The following HMGCL variants were observed in gnomAD, a reference collection of about 807,000 sequenced individuals.
HMGCL encodes the protein 3-hydroxy-3-methylglutaryl-CoA lyase.
Under a neutral mutation model 37.3 loss-of-function variants are expected in HMGCL, and 26 were observed. The ratio of observed to expected loss-of-function variants is 0.70; its 90% CI spans 0.51 to 0.97. HMGCL has a LOEUF of 0.97. Ranked by LOEUF, HMGCL falls within the 50% of genes least tolerant of loss-of-function variation. The pLI is 0.00. For missense variants in HMGCL, 379 were observed against 398.1 expected (o/e 0.95, Z 0.41); for synonymous variants, 151 against 148.0 (o/e 1.02, Z -0.15).
At chr1:23,818,135 T>C (rs1638648372) in intron 2 of HMGCL, among the ~76,000 whole-genome samples, 1 of 152,188 alleles carries the variant, frequency 6.6e-6, no homozygotes, top group Non-Finnish European at 1.5e-5. Context: ...GGCTCCCTAA[T>C]ATTTACAGGA....
intron 1 of HMGCL, among the ~76,000 whole-genome samples, 179 bp from the exon 2 acceptor site, chr1:23,820,772 G>A (rs1052885802): frequency 6.6e-6 from 1 of 152,174 alleles, no homozygotes; most frequent in Non-Finnish European, 1.5e-5. Context: ...ATTTCACTTA[G>A]TAACAGGAAC....
intron 4 of HMGCL, among the ~76,000 whole-genome samples, chr1:23,814,665 G>A (rs970079166): frequency 4.6e-5 from 7 of 151,964 alleles, no homozygotes; most frequent in Non-Finnish European, 8.8e-5. Context: ...CATCATGCCC[G>A]GCCAGCACTT....
At position 23,804,400 on chromosome 1, in the gene HMGCL, C is replaced by A. The variant is rs753754467; in HGVS notation, c.876G>T (p.Thr292=). 8.1e-6 allele frequency: 13 copies of A among 1,614,166 alleles called. No homozygotes were observed. Among genetic ancestry groups the A allele is most frequent in the Non-Finnish European group, 1.1e-5 (13 of 1,180,026 alleles). Residue 292 remains threonine, a splice_region_variant and synonymous_variant, in exon 8 of 9, where the codon ACG becomes ACT. Transcript: ENST00000374490. ...VYMLEGLGIH[T]GVNLQKLLEA... Reference sequence around the variant, plus strand: ...GCCACCAGGGGGTGGGTGGGCTTACCGTGTGAATGCCCAAGCCCTCTAGCA... The same window carrying A: ...GCCACCAGGGGGTGGGTGGGCTTACAGTGTGAATGCCCAAGCCCTCTAGCA...
chr1:23,818,001 A>G (rs1028988984), intron 2 of HMGCL, among the ~76,000 whole-genome samples: 1 of 152,218 alleles, frequency 6.6e-6, no homozygotes, highest in African/African-American at 2.4e-5. Context: ...TCCTCTTTCC[A>G]AATCTACCAT....
At chr1:23,822,544 C>T (rs772129774) in intron 1 of HMGCL, among the ~76,000 whole-genome samples, 9 of 152,180 alleles carry the variant, frequency 5.9e-5, no homozygotes, top group Non-Finnish European at 8.8e-5. Flanking sequence ...AGGATCTCAA[C>T]CCCCTGAAGT....
intron 2 of HMGCL, among the ~76,000 whole-genome samples, chr1:23,818,776 C>T (rs1040836320): frequency 4.6e-5 from 7 of 151,838 alleles, no homozygotes; most frequent in African/African-American, 1.7e-4. Context: ...AAACTCCTGA[C>T]CTCAGGTGAT....
chr1:23,809,949 A>G (rs191305160), intron 6 of HMGCL: 2 of 152,888 alleles, frequency 1.3e-5, no homozygotes, highest in East Asian at 3.9e-4. Context: ...ATGCTGGGTT[A>G]AAGTCCTAGT....
rs1391067821 is a variant in HMGCL at position 23,804,456 on chromosome 1, C to T, written c.820G>A (p.Gly274Arg). Residue 274 changes from glycine to arginine, a missense_variant, in exon 8 of 9, where the codon GGA (glycine) becomes AGA (arginine). Coordinates refer to ENST00000374490, the MANE Select transcript of HMGCL (RefSeq NM_000191.3). ...ACCAGGTCTTCTGTGGCCAAGTTTC[C>T]TGATGCCCCCTGTGCGTAGGGACAG... ...GGCPYAQGAS[G>R]NLATEDLVYM... 5.6e-6 allele frequency: 9 copies of T among 1,614,068 alleles called. No homozygotes were observed. The highest frequency in any genetic ancestry group is 7.6e-6 in the Non-Finnish European group (9 of 1,180,030).
intron 6 of HMGCL, chr1:23,810,517 T>A: frequency 1.8e-6 from 1 of 546,316 alleles, no homozygotes; most frequent in Non-Finnish European, 3.4e-6. Flanking sequence ...TCAGGCTGGA[T>A]AGAGGCCAGG....
rs771024022 is a variant in HMGCL, at chr1:23,804,448, C to T, written c.828G>A (p.Leu276=). The change falls in exon 8 of 9, where the codon TTG becomes TTA. Residue 276 remains leucine (L), a synonymous_variant. Transcript: ENST00000374490. ...CPYAQGASGN[L]ATEDLVYMLE... Reference sequence around the variant, plus strand: ...GCATGTAGACCAGGTCTTCTGTGGCCAAGTTTCCTGATGCCCCCTGTGCGT... The same window carrying T: ...GCATGTAGACCAGGTCTTCTGTGGCTAAGTTTCCTGATGCCCCCTGTGCGT... The T allele has an allele frequency of 7.6e-5, 122 of 1,614,076 alleles. No homozygotes were observed. The highest frequency in any genetic ancestry group is 1.0e-4 in the Non-Finnish European group (121 of 1,180,038).
intron 6 of HMGCL, 27 bp downstream of exon 6, chr1:23,810,709 A>AC (rs759386253): frequency 3.1e-6 from 5 of 1,610,724 alleles, no homozygotes; most frequent in African/African-American, 2.7e-5. Flanking sequence ...CCCTCACCAA[A>AC]CCCCCCGCCC....
At chr1:23,804,967 C>G (rs907844537) in intron 7 of HMGCL, among the ~76,000 whole-genome samples, 1 of 150,674 alleles carries the variant, frequency 6.6e-6, no homozygotes, top group Non-Finnish European at 1.5e-5. Flanking sequence ...CTTCCCAGGT[C>G]AGTCACCTCC....
At position 23,806,159 on chromosome 1, in the gene HMGCL, C is replaced by CCAG. The variant is rs1638405860; in HGVS notation, c.751-1637_751-1635dup. On this transcript the variant is annotated intron_variant, in intron 7 of 8. Coordinates refer to ENST00000374490, the MANE Select transcript of HMGCL (RefSeq NM_000191.3). The surrounding 1 kb of genome is among the most constrained non-coding windows in gnomAD (Gnocchi z 4.0). The stretch of plus-strand genomic sequence containing the variant: ...TTGAGACAGGGTTTCACCATGTTGG[C>CCAG]CAGGCTGGTCTCAAAACTCCTGACC... Among the ~76,000 whole-genome samples, 1 of 152,068 alleles carries CCAG rather than the reference C, an allele frequency of 6.6e-6. No individual in the cohort carries two copies. The highest frequency in any genetic ancestry group is 2.1e-4 in the South Asian group (1 of 4,818).
chr1:23,825,282 C>T (rs1638795774), intron 1 of HMGCL, 74 bp downstream of exon 1: 1 of 1,300,958 alleles, frequency 7.7e-7, no homozygotes, highest in Non-Finnish European at 1.1e-6. Context: ...AGAGCAGTCA[C>T]CACGGGCCAA....
Position 23,818,212 on chromosome 1 carries a change from A to C in HMGCL, c.145-629T>G, listed in dbSNP as rs376355234. ...ATTGGCTCACGCCTGTAATCCCAGC[A>C]CTTTGGGAGGCTGAGACAGGCAGAT... On this transcript the variant is annotated intron_variant, in intron 2 of 8. Transcript: ENST00000374490. 8.5e-5 allele frequency among the ~76,000 whole-genome samples: 13 copies of C among 152,314 alleles called. No homozygotes were observed. In the East Asian group the frequency reaches 1.3e-3, roughly 16 times the overall value.
intron 7 of HMGCL, chr1:23,807,082 A>G (rs574844317): frequency 1.9e-6 from 1 of 519,078 alleles, no homozygotes; most frequent in Non-Finnish European, 3.8e-6. Flanking sequence ...TATCACTGCC[A>G]TGAAACAGAG....
chr1:23,807,127 C>G (rs770962205), intron 7 of HMGCL: 2 of 518,932 alleles, frequency 3.9e-6, no homozygotes, highest in African/African-American at 3.8e-5. Flanking sequence ...TGAGCGTGAT[C>G]AGGATGAAGT....
At chr1:23,824,992 G>A (rs1387887591) in intron 1 of HMGCL, among the ~76,000 whole-genome samples, 1 of 152,218 alleles carries the variant, frequency 6.6e-6, no homozygotes, top group Non-Finnish European at 1.5e-5. Flanking sequence ...GGAGACGAAG[G>A]AAATGGAAGC....
At position 23,814,277 on chromosome 1, in the gene HMGCL, T is replaced by C. The variant is rs1638574585; in HGVS notation, c.410A>G (p.Lys137Arg). Residue 137 changes from lysine to arginine, a missense_variant, in exon 5 of 9, where the codon AAG becomes AGG. By Grantham distance (26) the Lys-to-Arg change is conservative. Transcript: ENST00000374490. ...CTCCTCTATGGAACAATTGATGTTC[T>C]TCTTGGTGAAGAGCTCTGAGGCAGC... The part of the protein sequence containing the change: ...FGAASELFTK[K>R]NINCSIEESF... 1 of 1,613,926 alleles carries C rather than the reference T, an allele frequency of 6.2e-7. No homozygotes were observed. Among genetic ancestry groups the C allele is most frequent in the African/African-American group, 1.3e-5 (1 of 74,912 alleles).
Sources: gnomAD v4.1 joint callset for allele counts (sites outside exome capture counted in the v4.1 genomes callset) on GRCh38, gnomAD v4.1.1 for gene constraint, Gnocchi (gnomAD v3.1) non-coding constraint, MANE v1.5 for transcripts, NCBI Gene and HGNC (gene_info 2026-07-23, HGNC 2026-07-21) for gene names.